The following FHIT variants were observed in gnomAD, a reference collection of about 807,000 sequenced individuals.
FHIT encodes fragile histidine triad diadenosine triphosphatase.
Under a neutral mutation model 17.9 loss-of-function variants are expected in FHIT, and 19 were observed. That is an observed-to-expected ratio of 1.06 (90% confidence interval 0.74 to 1.56). The LOEUF (loss-of-function observed/expected upper bound fraction) is 1.56. Among genes scored for constraint, FHIT ranks in the 40% most tolerant of loss-of-function variants. The pLI is 0.00. For synonymous variants in FHIT, 81 were observed against 69.7 expected, an observed-to-expected ratio of 1.16 and a Z score of -0.81; for missense variants, 248 against 189.2, an observed-to-expected ratio of 1.31 and a Z score of -1.82.
intron 5 of FHIT, among the ~76,000 whole-genome samples, chr3:60,525,764 A>G (rs1213002490): frequency 6.6e-6 from 1 of 152,170 alleles, no homozygotes; most frequent in African/African-American, 2.4e-5. Context: ...AGGCTAAGCT[A>G]TGCTAGCGTT....
chr3:60,525,378 C>A (rs1398375240), intron 5 of FHIT, among the ~76,000 whole-genome samples: 5 of 152,166 alleles, frequency 3.3e-5, no homozygotes, highest in Non-Finnish European at 7.3e-5. Context: ...CTAATATACA[C>A]AAGATTCTGA....
At chr3:61,014,972 T>G (rs936750107) in intron 3 of FHIT, among the ~76,000 whole-genome samples, 1 of 151,284 alleles carries the variant, frequency 6.6e-6, no homozygotes, top group Non-Finnish European at 1.5e-5. Context: ...TCTCTCATCT[T>G]GAAGTGTGTT....
chr3:60,374,375 C>T (rs1321648061), intron 5 of FHIT, among the ~76,000 whole-genome samples: 1 of 151,810 alleles, frequency 6.6e-6, no homozygotes, highest in Non-Finnish European at 1.5e-5. Flanking sequence ...GAATTAATTT[C>T]CTCCGCTGCT....
At chr3:60,803,942 C>T (rs1559735646) in intron 4 of FHIT, among the ~76,000 whole-genome samples, 1 of 152,218 alleles carries the variant, frequency 6.6e-6, no homozygotes. Context: ...TCATGACAAA[C>T]AGTGGCTCCC....
intron 5 of FHIT, among the ~76,000 whole-genome samples, chr3:60,214,694 G>C (rs1703615028): frequency 1.3e-5 from 2 of 152,134 alleles, no homozygotes; most frequent in Admixed American, 1.3e-4. Flanking sequence ...AAATCTTTCT[G>C]CCAAAAAGAC....
At chr3:60,148,902 C>CA (rs1193945441) in intron 5 of FHIT, among the ~76,000 whole-genome samples, 1 of 152,176 alleles carries the variant, frequency 6.6e-6, no homozygotes, top group Non-Finnish European at 1.5e-5. Flanking sequence ...CCCTAATTTT[C>CA]ACTCTGCTGT....
chr3:60,486,470 T>C (rs2033845414), intron 5 of FHIT, among the ~76,000 whole-genome samples: 1 of 152,124 alleles, frequency 6.6e-6, no homozygotes, highest in South Asian at 2.1e-4. Context: ...CATCAAACAT[T>C]AATCAGTCAG....
intron 5 of FHIT, among the ~76,000 whole-genome samples, chr3:60,084,531 T>C (rs138569285): frequency 0.02 from 3,032 of 152,270 alleles, 52 homozygotes; most frequent in Non-Finnish European, 0.032. Flanking sequence ...TTAAAACAAA[T>C]AATGTACATG....
intron 5 of FHIT, among the ~76,000 whole-genome samples, chr3:60,256,454 TA>T (rs1705997240): frequency 6.6e-6 from 1 of 152,220 alleles, no homozygotes; most frequent in African/African-American, 2.4e-5. Flanking sequence ...TATTTTGTTA[TA>T]GAAGCAGGAA....
chr3:61,049,464 C>G (rs1347339455), intron 2 of FHIT, among the ~76,000 whole-genome samples: 1 of 152,096 alleles, frequency 6.6e-6, no homozygotes, highest in Non-Finnish European at 1.5e-5. Context: ...ATATAGGAAA[C>G]TACTATGAGT....
chr3:61,088,750 T>G (rs998774057), intron 2 of FHIT, among the ~76,000 whole-genome samples: 3 of 116,790 alleles, frequency 2.6e-5, no homozygotes, highest in African/African-American at 1.1e-4. Context: ...AACACGAATT[T>G]TTAGTGACCC....
At chr3:61,131,759 G>A (rs1265336198) in intron 2 of FHIT, among the ~76,000 whole-genome samples, 1 of 152,200 alleles carries the variant, frequency 6.6e-6, no homozygotes, top group Non-Finnish European at 1.5e-5. Flanking sequence ...TTGGGTATAA[G>A]CCAGGCAGGA....
At chr3:60,684,979 TG>T (rs1291508308) in intron 4 of FHIT, among the ~76,000 whole-genome samples, 1 of 152,170 alleles carries the variant, frequency 6.6e-6, no homozygotes, top group African/African-American at 2.4e-5. Flanking sequence ...GGAGATAACT[TG>T]TCCTCCCTAC....
chr3:60,089,398 G>T (rs939776163), intron 5 of FHIT, among the ~76,000 whole-genome samples: 1 of 152,064 alleles, frequency 6.6e-6, no homozygotes, highest in East Asian at 1.9e-4. Context: ...CCTGTCCATT[G>T]TTGTACATCC....
At chr3:60,162,278 T>G (rs532254942) in intron 5 of FHIT, among the ~76,000 whole-genome samples, 1 of 152,326 alleles carries the variant, frequency 6.6e-6, no homozygotes, top group South Asian at 2.1e-4. Context: ...CCAATGTAGA[T>G]CTTTTAATTT....
intron 4 of FHIT, among the ~76,000 whole-genome samples, chr3:60,559,167 C>T (rs540299642): frequency 5.9e-4 from 90 of 152,256 alleles, no homozygotes; most frequent in African/African-American, 2.1e-3. Context: ...AAGCTTCTTA[C>T]TAATTAGCAA....
chr3:61,038,748 AAT>A (rs1421900911), intron 3 of FHIT, among the ~76,000 whole-genome samples: 1 of 152,200 alleles, frequency 6.6e-6, no homozygotes, highest in Non-Finnish European at 1.5e-5. Context: ...GGAAAAAGAC[AAT>A]ATGAAGAAAA....
At chr3:60,114,489 C>CTTTTTTTTTTTTTTTTTTT (rs1576129465) in intron 5 of FHIT, among the ~76,000 whole-genome samples, 6 of 61,602 alleles carry the variant, frequency 9.7e-5, no homozygotes, top group African/African-American at 3.8e-4. Context: ...AAGAGAAATC[C>CTTTTTTTTTTTTTTTTTTT]TTTTTTTTTT....
intron 1 of FHIT, among the ~76,000 whole-genome samples, chr3:61,225,684 C>T (rs1292231825): frequency 6.6e-6 from 1 of 152,158 alleles, no homozygotes; most frequent in Non-Finnish European, 1.5e-5. Flanking sequence ...GATAAAGCAA[C>T]GTGGAAGTTA....
Sources: allele counts gnomAD v4.1 joint callset (sites outside exome capture counted in the v4.1 genomes callset), GRCh38; gene constraint gnomAD v4.1.1; transcripts MANE v1.5; gene names NCBI Gene and HGNC (gene_info 2026-07-23, HGNC 2026-07-21).